Variants in LYST observed in about 807,000 individuals in gnomAD.
LYST encodes the protein lysosomal-trafficking regulator.
In LYST, 192 loss-of-function variants were observed where a neutral mutation model predicts 413.6. The observed-to-expected ratio is 0.46, with a 90% CI of 0.41 to 0.52. The LOEUF is 0.52. Among genes scored for constraint, LYST ranks in the 20% least tolerant of loss-of-function variants. The pLI is 0.00. For synonymous variants in LYST, 1,525 were observed against 1,567.3 expected, an observed-to-expected ratio of 0.97 and a Z score of 0.64; for missense variants, 3,815 against 4,499.9, an observed-to-expected ratio of 0.85 and a Z score of 4.35.
upstream of LYST, among the ~76,000 whole-genome samples, chr1:235,867,155 C>G (rs921309003): frequency 2.6e-5 from 4 of 152,306 alleles, no homozygotes; most frequent in African/African-American, 9.6e-5. Flanking sequence ...GGGCTGCAGC[C>G]GGGGCCCGGT....
Position 235,792,054 on chromosome 1 carries a change from G to A in LYST, c.4188C>T (p.Thr1396=), listed in dbSNP as rs1671060290. ...AATTTGGAGCGTGCAGTAAAGGGAAGGTTAGATACTGTGAAGGGCTCATAG... is the reference window on the plus strand; with the variant it reads ...AATTTGGAGCGTGCAGTAAAGGGAAAGTTAGATACTGTGAAGGGCTCATAG... ...DTTMSPSQYL[T]FPLLHAPNLS... Residue 1396 remains threonine, a synonymous_variant, in exon 12 of 53, where the codon ACC becomes ACT. Transcript: ENST00000389793. 5 of 1,613,616 alleles carry A rather than the reference G, an allele frequency of 3.1e-6. No individual in the cohort carries two copies. In the South Asian group the frequency reaches 3.3e-5, roughly 11 times the overall value.
At chr1:235,724,299 A>G in intron 38 of LYST, 119 bp from the exon 39 acceptor site, 1 of 823,892 alleles carries the variant, frequency 1.2e-6, no homozygotes, top group Non-Finnish European at 1.9e-6. Flanking sequence ...CAGATGGCAG[A>G]TAAGATTACC....
rs797045685 is a variant in LYST at position 235,752,165 on chromosome 1, G to A, written c.7467C>T (p.Pro2489=). The change falls in exon 27 of 53, where the codon CCC becomes CCT. Residue 2489 remains proline, a synonymous_variant. Transcript: ENST00000389793. ...AALNGLEKNI[P]MSEYKLLACD... ...AAGCAAGCAATTTATATTCACTCAT[G>A]GGAATGCTAAAGATAACAACAAAAG... 2 of 1,605,092 alleles carry A rather than the reference G, an allele frequency of 1.2e-6. No individual in the cohort carries two copies. Among genetic ancestry groups the A allele is most frequent in the Non-Finnish European group, 1.7e-6 (2 of 1,173,006 alleles).
intron 1 of LYST, among the ~76,000 whole-genome samples, chr1:235,879,276 C>T (rs996341273): frequency 3.3e-5 from 5 of 152,230 alleles, no homozygotes; most frequent in Admixed American, 1.3e-4. Flanking sequence ...GGGGAGAATA[C>T]ATTTGCAGGT....
At chr1:235,823,413 T>C (rs1054438533) in intron 3 of LYST, among the ~76,000 whole-genome samples, 2 of 152,262 alleles carry the variant, frequency 1.3e-5, no homozygotes, top group African/African-American at 4.8e-5. Context: ...ATTTAAAAGT[T>C]TGCATTATTC....
intron 44 of LYST, among the ~76,000 whole-genome samples, chr1:235,707,556 G>T (rs1201554373): frequency 6.6e-6 from 1 of 152,136 alleles, no homozygotes; most frequent in Non-Finnish European, 1.5e-5. Flanking sequence ...CTGGGAGGTG[G>T]AGGTTGCAGT....
At chr1:235,818,594 C>G (rs1037124467) in intron 3 of LYST, among the ~76,000 whole-genome samples, 1 of 151,664 alleles carries the variant, frequency 6.6e-6, no homozygotes, top group Non-Finnish European at 1.5e-5. Context: ...CTCAGTATAC[C>G]TCAACATTTT....
intron 36 of LYST, among the ~76,000 whole-genome samples, chr1:235,730,467 A>G (rs1238454589): frequency 6.6e-6 from 1 of 151,954 alleles, no homozygotes; most frequent in Non-Finnish European, 1.5e-5. Context: ...ATATTAATAG[A>G]TAGAGATGTT....
intron 32 of LYST, 57 bp downstream of exon 32, chr1:235,734,426 T>G (rs145008679): frequency 7.4e-7 from 1 of 1,356,398 alleles, no homozygotes; most frequent in East Asian, 2.3e-5. Flanking sequence ...GTAGTGTCAA[T>G]CATTCTTTAT....
rs753535425 is a variant in LYST, at chr1:235,810,284, T to C, written c.534A>G (p.Ala178=). ...SEANSDEKGI[A]MNKHRRPHLL... ...GATGGGGCCTTCTATGCTTATTCATTGCTATGCCTTTTTCATCTGAATTGG... is the reference window on the plus strand; with the variant it reads ...GATGGGGCCTTCTATGCTTATTCATCGCTATGCCTTTTTCATCTGAATTGG... Residue 178 remains alanine, a synonymous_variant, in exon 5 of 53, where the codon GCA becomes GCG. Coordinates refer to ENST00000389793, the MANE Select transcript of LYST (RefSeq NM_000081.4). 9.9e-6 allele frequency: 16 copies of C among 1,614,054 alleles called. No individual in the cohort carries two copies. The highest frequency in any genetic ancestry group is 4.5e-5 in the East Asian group (2 of 44,890).
At chr1:235,715,724 C>CA (rs1662780359) in intron 41 of LYST, among the ~76,000 whole-genome samples, 1 of 152,036 alleles carries the variant, frequency 6.6e-6, no homozygotes, top group Non-Finnish European at 1.5e-5. Context: ...GTCTTCATTT[C>CA]AAAAGAGTTT....
In LYST at chr1:235,788,900, G is replaced by C. The variant is rs1384119118; in HGVS notation, c.4544-55C>G. ...TAAAATGGTTCGTAACAACTGAGTA[G>C]AAAAGTGAATTTAGAAGAATACAAA... On this transcript the variant is annotated intron_variant, in intron 12 of 52. Coordinates refer to ENST00000389793, the MANE Select transcript of LYST (RefSeq NM_000081.4). 4 of 1,528,730 alleles carry C rather than the reference G, an allele frequency of 2.6e-6. No individual in the cohort carries two copies. The African/African-American group carries it at 5.5e-5, about 21-fold the overall frequency. 94.7% of individuals were successfully genotyped at this position (1,528,730 alleles called of 1,614,324 possible).
intron 46 of LYST, among the ~76,000 whole-genome samples, chr1:235,694,548 G>C (rs1660940786): frequency 6.6e-6 from 1 of 152,150 alleles, no homozygotes; most frequent in African/African-American, 2.4e-5. Context: ...CCCAGAAGTA[G>C]ATGAGTATAA....
chr1:235,749,416 G>A (rs1666251105), intron 28 of LYST, among the ~76,000 whole-genome samples: 1 of 152,046 alleles, frequency 6.6e-6, no homozygotes, highest in Non-Finnish European at 1.5e-5. Flanking sequence ...AAACAGGAAG[G>A]ATTCTTGAGA....
chr1:235,727,184 G>A (rs528291883), intron 38 of LYST, among the ~76,000 whole-genome samples: 25 of 147,262 alleles, frequency 1.7e-4, no homozygotes, highest in African/African-American at 6.0e-4. Flanking sequence ...GTGCAGTGGT[G>A]TGATCTCGGC....
chr1:235,855,083 C>G (rs1558347285), intron 1 of LYST, among the ~76,000 whole-genome samples: 1 of 152,182 alleles, frequency 6.6e-6, no homozygotes, highest in East Asian at 1.9e-4. Context: ...TATCATGTTG[C>G]TATGGAAATT....
Position 235,701,576 on chromosome 1 carries a change from C to A in LYST, c.10374+1171G>T, listed in dbSNP as rs6704381. 6.3e-3 allele frequency among the ~76,000 whole-genome samples: 953 copies of A among 152,148 alleles called. 7 individuals carry two copies. Among genetic ancestry groups the A allele is most frequent in the African/African-American group, 0.022 (905 of 41,500 alleles). ...CCGGGAGGCAGAGGTTGCAGTGAGC[C>A]GAGATTGTGCCACTGCACTCCAGCC... is the stretch of plus-strand genomic sequence containing the variant. On this transcript the variant is annotated intron_variant, in intron 45 of 52. Transcript: ENST00000389793.
chr1:235,722,208 G>C (rs1024413690), intron 39 of LYST, among the ~76,000 whole-genome samples: 2 of 152,218 alleles, frequency 1.3e-5, no homozygotes, highest in Non-Finnish European at 2.9e-5. Flanking sequence ...TGACGTCAGA[G>C]AGGTAACAAG....
At chr1:235,669,320 G>GAAC (rs1384534019) in intron 50 of LYST, among the ~76,000 whole-genome samples, 2 of 152,204 alleles carry the variant, frequency 1.3e-5, no homozygotes, top group African/African-American at 2.4e-5. Flanking sequence ...ACCTAAGACA[G>GAAC]TTTCACACTC....
Sources: gnomAD v4.1 joint callset for allele counts (sites outside exome capture counted in the v4.1 genomes callset) on GRCh38, gnomAD v4.1.1 for gene constraint, MANE v1.5 for transcripts, NCBI Gene and HGNC (gene_info 2026-07-23, HGNC 2026-07-21) for gene names.